COPG2: variants seen among roughly 807,000 people sequenced by gnomAD.
The protein encoded by COPG2 is coat protein complex I subunit gamma 2, also known as coatomer subunit gamma-2.
In COPG2, 37 loss-of-function variants were observed where a neutral mutation model predicts 46.3. The observed-to-expected ratio is 0.80, with a 90% CI of 0.61 to 1.05. The LOEUF is 1.05. Ranked by LOEUF, COPG2 falls within the 50% of genes least tolerant of loss-of-function variation. The probability of loss-of-function intolerance (pLI) is 0.00; values close to 1 mark genes in which losing one functional copy is unlikely to be tolerated. For missense variants in COPG2, 427 were observed against 387.8 expected (o/e 1.10, Z -0.85); for synonymous variants, 159 against 129.7 (o/e 1.23, Z -1.53).
chr7:130,609,351 CT>C (rs1469370279), intron 9 of COPG2, among the ~76,000 whole-genome samples: 8 of 152,140 alleles, frequency 5.3e-5, no homozygotes, highest in Admixed American at 5.2e-4. Flanking sequence ...CTCATGAGAT[CT>C]GATGGTTTTA....
In COPG2 at chr7:130,606,240, A is replaced by AAGAG. The variant is rs145785936; in HGVS notation, c.737+4709_737+4712dup. ...GACTTTAAAATAAATAAAAAAAAGA[A>AAGAG]AGAGAGAGAGAGAGAGAGAAAGAAA... On this transcript the variant is annotated intron_variant, in intron 9 of 23. Transcript: ENST00000425248. 4.6e-3 allele frequency among the ~76,000 whole-genome samples: 681 copies of AAGAG among 149,214 alleles called. 4 individuals carry two copies. The highest frequency in any genetic ancestry group is 0.016 in the African/African-American group (644 of 40,318).
chr7:130,584,035 T>C (rs1794216229), intron 9 of COPG2, among the ~76,000 whole-genome samples: 1 of 151,770 alleles, frequency 6.6e-6, no homozygotes, highest in Non-Finnish European at 1.5e-5. Flanking sequence ...ACTGATATCC[T>C]TGATGAACAC....
intron 9 of COPG2, among the ~76,000 whole-genome samples, chr7:130,606,375 G>T (rs1490027911): frequency 6.6e-6 from 1 of 152,088 alleles, no homozygotes; most frequent in Non-Finnish European, 1.5e-5. Context: ...AAGATCAATC[G>T]ATCTGGTTCT....
chr7:130,631,177 T>C (rs1301906728), intron 5 of COPG2, among the ~76,000 whole-genome samples: 5 of 148,438 alleles, frequency 3.4e-5, no homozygotes, highest in East Asian at 2.0e-4. Context: ...CTTTTCTTTT[T>C]TTTTTTTTTT....
chr7:130,532,782 G>A (rs1241887168), intron 20 of COPG2, among the ~76,000 whole-genome samples: 2 of 152,166 alleles, frequency 1.3e-5, no homozygotes, highest in African/African-American at 4.8e-5. Context: ...AGCATGGACA[G>A]CAGAGGAGGT....
intron 12 of COPG2, 30 bp downstream of exon 12, chr7:130,561,003 G>A (rs1456775060): frequency 5.0e-6 from 2 of 398,394 alleles, no homozygotes; most frequent in Non-Finnish European, 8.8e-6. Flanking sequence ...AACAGACTGG[G>A]AGAAAATATG....
At chr7:130,661,552 G>A (rs1176637779) in intron 4 of COPG2, among the ~76,000 whole-genome samples, 1 of 152,202 alleles carries the variant, frequency 6.6e-6, no homozygotes, top group Non-Finnish European at 1.5e-5. Flanking sequence ...TTAAAGATAT[G>A]AACCTGAAGT....
intron 20 of COPG2, among the ~76,000 whole-genome samples, chr7:130,532,798 CG>C (rs1799841563): frequency 6.6e-6 from 1 of 152,068 alleles, no homozygotes; most frequent in Admixed American, 6.5e-5. Flanking sequence ...GAGGTGGATT[CG>C]GTGCAGTACG....
At chr7:130,548,767 A>C (rs1457885777) in intron 18 of COPG2, among the ~76,000 whole-genome samples, 2 of 151,792 alleles carry the variant, frequency 1.3e-5, no homozygotes, top group Non-Finnish European at 2.9e-5. Context: ...AATACAAAAA[A>C]ATTAGTCAGG....
At chr7:130,610,088 CTT>C (rs782036629) in intron 9 of COPG2, 9 of 518,546 alleles carry the variant, frequency 1.7e-5, no homozygotes, top group East Asian at 5.5e-5. Flanking sequence ...TTTTTTCCCT[CTT>C]GTTTATGGGT....
At chr7:130,603,869 A>G (rs1554450807) in intron 9 of COPG2, 1 of 519,314 alleles carries the variant, frequency 1.9e-6, no homozygotes, top group Non-Finnish European at 3.9e-6. Context: ...TGACTCCCCC[A>G]AAATATCACT....
rs1344895567 is a variant in COPG2 at position 130,508,636 on chromosome 7, T to C, written c.2173A>G (p.Met725Val). 2 of 771,502 alleles carry C rather than the reference T, an allele frequency of 2.6e-6. No individual in the cohort carries two copies. Among genetic ancestry groups the C allele is most frequent in the African/African-American group, 3.4e-5 (2 of 59,046 alleles). The allele number at this position is 771,502 out of a possible 1,614,324, so 47.8% of individuals were successfully genotyped here. A position where few individuals can be genotyped will look rare whatever the true frequency, so the allele number is the denominator to read the frequency against. Residue 725 changes from methionine to valine, a missense_variant, in exon 21 of 24, where the codon ATG (methionine) becomes GTG (valine). By Grantham distance (21) the Met-to-Val change is conservative. Coordinates refer to ENST00000425248, the MANE Select transcript of COPG2 (RefSeq NM_012133.6). ...TAVAGSFSCT[M>V]KFTVRDCDPN... The stretch of plus-strand genomic sequence containing the variant: ...TCACAGTCCCGGACTGTAAACTTCA[T>C]GGTGCAGCTAAAGGAGCCTGCAACT...
intron 9 of COPG2, among the ~76,000 whole-genome samples, chr7:130,576,831 T>C (rs1228443905): frequency 6.6e-6 from 1 of 152,040 alleles, no homozygotes; most frequent in Non-Finnish European, 1.5e-5. Flanking sequence ...AACAAAAAGC[T>C]GGTTCTTCAA....
At chr7:130,659,637 G>T (rs527388938) in intron 4 of COPG2, among the ~76,000 whole-genome samples, 1 of 152,260 alleles carries the variant, frequency 6.6e-6, no homozygotes, top group South Asian at 2.1e-4. Context: ...CTGCAGGCTG[G>T]GTGTGGTGGC....
intron 9 of COPG2, among the ~76,000 whole-genome samples, chr7:130,592,575 T>A (rs1024855155): frequency 1.3e-5 from 2 of 152,156 alleles, no homozygotes; most frequent in Admixed American, 1.3e-4. Context: ...AAAAAATCAA[T>A]AAACTAGGAA....
intron 5 of COPG2, among the ~76,000 whole-genome samples, chr7:130,625,766 A>G (rs1417748987): frequency 6.7e-6 from 1 of 149,300 alleles, no homozygotes; most frequent in Non-Finnish European, 1.5e-5. Flanking sequence ...ATGTTTTTCT[A>G]TTTTTTCCTC....
chr7:130,651,100 A>G (rs1413443099), intron 5 of COPG2, among the ~76,000 whole-genome samples: 1 of 152,238 alleles, frequency 6.6e-6, no homozygotes, highest in Non-Finnish European at 1.5e-5. Context: ...ATTATGTTAT[A>G]CAAAACCAGA....
chr7:130,606,615 A>G (rs1794737726), intron 9 of COPG2, among the ~76,000 whole-genome samples: 1 of 152,254 alleles, frequency 6.6e-6, no homozygotes, highest in South Asian at 2.1e-4. Flanking sequence ...GAAAATTCCA[A>G]AAATGAAGAT....
intron 6 of COPG2, among the ~76,000 whole-genome samples, chr7:130,616,203 T>C (rs1256671290): frequency 6.6e-6 from 1 of 152,164 alleles, no homozygotes; most frequent in Non-Finnish European, 1.5e-5. Context: ...AGATATATAT[T>C]TTTTTCCAAG....
Sources: gnomAD v4.1 joint callset for allele counts (sites outside exome capture counted in the v4.1 genomes callset) on GRCh38, gnomAD v4.1.1 for gene constraint, MANE v1.5 for transcripts, NCBI Gene and HGNC (gene_info 2026-07-23, HGNC 2026-07-21) for gene names.